The following NLGN1 variants were observed in gnomAD, a reference collection of about 807,000 sequenced individuals.
NLGN1 encodes the protein neuroligin 1.
A neutral mutation model predicts 65.5 loss-of-function variants in NLGN1; 12 were observed. The observed-to-expected ratio is 0.18, with a 90% CI of 0.12 to 0.30. The LOEUF is 0.30. Among genes scored for constraint, NLGN1 ranks in the 10% least tolerant of loss-of-function variants. The pLI is 1.00. For synonymous variants in NLGN1, 350 were observed against 359.5 expected, an observed-to-expected ratio of 0.97 and a Z score of 0.30; for missense variants, 750 against 1,007.1, an observed-to-expected ratio of 0.74 and a Z score of 3.46.
chr3:174,051,898 A>G (rs139023240), intron 4 of NLGN1, among the ~76,000 whole-genome samples: 246 of 152,164 alleles, frequency 1.6e-3, no homozygotes, highest in African/African-American at 5.6e-3. Flanking sequence ...ACACAATACA[A>G]TTGAAAAAGG....
intron 1 of NLGN1, among the ~76,000 whole-genome samples, chr3:173,409,893 G>T (rs575454858): frequency 1.3e-5 from 2 of 152,178 alleles, no homozygotes; most frequent in South Asian, 4.1e-4. Context: ...AATGCCAGGT[G>T]CTTACTAGAA....
chr3:174,209,513 T>C (rs1194166778), intron 4 of NLGN1, among the ~76,000 whole-genome samples: 1 of 151,844 alleles, frequency 6.6e-6, no homozygotes, highest in African/African-American at 2.4e-5. Flanking sequence ...TGAGGTCAGA[T>C]GAGAATATGT....
intron 4 of NLGN1, among the ~76,000 whole-genome samples, chr3:174,207,127 G>C (rs943550303): frequency 1.3e-5 from 2 of 151,224 alleles, no homozygotes; most frequent in Admixed American, 6.6e-5. Context: ...TTCCAGAGTG[G>C]TGAGATTTTG....
intron 4 of NLGN1, among the ~76,000 whole-genome samples, chr3:174,020,767 A>C (rs572077745): frequency 6.6e-6 from 1 of 152,258 alleles, no homozygotes; most frequent in African/African-American, 2.4e-5. Context: ...AGACTTCATT[A>C]TGTTTTTGAA....
intron 3 of NLGN1, among the ~76,000 whole-genome samples, chr3:173,739,264 G>A (rs1470471792): frequency 2.0e-5 from 3 of 151,974 alleles, no homozygotes; most frequent in African/African-American, 4.8e-5. Flanking sequence ...AGCTTAAGGG[G>A]TTTAGCATTT....
At chr3:173,851,679 A>T (rs1045054160) in intron 4 of NLGN1, among the ~76,000 whole-genome samples, 1 of 152,152 alleles carries the variant, frequency 6.6e-6, no homozygotes, top group African/African-American at 2.4e-5. Context: ...CTTGGGTCAG[A>T]TACCTAGAAG....
At chr3:174,035,620 C>A (rs1234761028) in intron 4 of NLGN1, among the ~76,000 whole-genome samples, 1 of 152,146 alleles carries the variant, frequency 6.6e-6, no homozygotes, top group Admixed American at 6.6e-5. Context: ...GAGGTTTGCT[C>A]CACTTAATGA....
intron 4 of NLGN1, among the ~76,000 whole-genome samples, chr3:173,820,028 A>G (rs1193902822): frequency 6.6e-6 from 1 of 152,096 alleles, no homozygotes; most frequent in African/African-American, 2.4e-5. Context: ...CTCTACTGAA[A>G]AATTAGCTGG....
At chr3:173,909,234 A>T (rs934364169) in intron 4 of NLGN1, among the ~76,000 whole-genome samples, 1 of 152,156 alleles carries the variant, frequency 6.6e-6, no homozygotes, top group African/African-American at 2.4e-5. Flanking sequence ...ATAAAAAAAA[A>T]GCCCAGACAA....
At chr3:173,879,832 C>A (rs1732881685) in intron 4 of NLGN1, among the ~76,000 whole-genome samples, 1 of 152,074 alleles carries the variant, frequency 6.6e-6, no homozygotes, top group Non-Finnish European at 1.5e-5. Flanking sequence ...ATCTTTGAGA[C>A]AGTTGTTCCA....
intron 4 of NLGN1, among the ~76,000 whole-genome samples, chr3:173,941,293 A>G (rs1438476273): frequency 6.6e-6 from 1 of 152,036 alleles, no homozygotes; most frequent in African/African-American, 2.4e-5. Flanking sequence ...CATTTTCACA[A>G]CACGTGACAA....
At chr3:173,575,753 T>G (rs1274952163) in intron 2 of NLGN1, among the ~76,000 whole-genome samples, 3 of 152,214 alleles carry the variant, frequency 2.0e-5, no homozygotes, top group Admixed American at 2.0e-4. Flanking sequence ...TCTTCTTTCA[T>G]GTTGTTTTTA....
chr3:173,482,150 T>A (rs13323107), intron 2 of NLGN1, among the ~76,000 whole-genome samples: 1,836 of 152,028 alleles, frequency 0.012, 35 homozygotes, highest in African/African-American at 0.043. Flanking sequence ...TGGTCCTCCA[T>A]GTGTTATTTT....
At chr3:174,085,931 C>T (rs981709219) in intron 4 of NLGN1, among the ~76,000 whole-genome samples, 1 of 151,962 alleles carries the variant, frequency 6.6e-6, no homozygotes, top group Non-Finnish European at 1.5e-5. Context: ...CAAGAAAAGA[C>T]TCTGACTAGA....
rs140907604 is a variant in NLGN1 at position 174,198,379 on chromosome 3, T to A, written c.647-76936T>A. ...GGATAGCCTGTGTTCTTGGTAGCTA[T>A]ATCTTTGTGTTATTACTAAATATAT... On this transcript the variant is annotated intron_variant, in intron 4 of 6. Transcript: ENST00000457714. 1.9e-3 allele frequency among the ~76,000 whole-genome samples: 294 copies of A among 152,310 alleles called. 1 individual carries two copies. The Middle Eastern group carries it at 0.024, about 12-fold the overall frequency.
intron 4 of NLGN1, among the ~76,000 whole-genome samples, chr3:173,999,751 T>A (rs552563636): frequency 9.3e-4 from 141 of 152,252 alleles, no homozygotes; most frequent in Non-Finnish European, 1.6e-3. Context: ...TGACCATTAT[T>A]TTATTCACAA....
intron 4 of NLGN1, among the ~76,000 whole-genome samples, chr3:174,117,173 A>G (rs956396139): frequency 6.6e-6 from 1 of 151,878 alleles, no homozygotes; most frequent in African/African-American, 2.4e-5. Context: ...TTGTTTTGCT[A>G]TCATTCCCTT....
chr3:173,708,254 G>C (rs530574347), intron 3 of NLGN1, among the ~76,000 whole-genome samples: 1 of 152,268 alleles, frequency 6.6e-6, no homozygotes, highest in South Asian at 2.1e-4. Flanking sequence ...AGAAGCCCAG[G>C]TTTGAATTTG....
At chr3:173,704,622 G>A (rs2149901860) in intron 3 of NLGN1, among the ~76,000 whole-genome samples, 1 of 152,200 alleles carries the variant, frequency 6.6e-6, no homozygotes, top group East Asian at 1.9e-4. Context: ...AGAAAAAATT[G>A]GCTGGATTAT....
Sources: gnomAD v4.1 joint callset for allele counts (sites outside exome capture counted in the v4.1 genomes callset) on GRCh38, gnomAD v4.1.1 for gene constraint, MANE v1.5 for transcripts, NCBI Gene and HGNC (gene_info 2026-07-23, HGNC 2026-07-21) for gene names.